FBN3: variants seen among roughly 807,000 people sequenced by gnomAD.
FBN3 encodes the protein fibrillin 3.
Under a neutral mutation model 330.1 loss-of-function variants are expected in FBN3, and 234 were observed. That is an observed-to-expected ratio of 0.71 (90% CI 0.64 to 0.79). The LOEUF (loss-of-function observed/expected upper bound fraction) is 0.79. Among genes scored for constraint, FBN3 ranks in the 30% least tolerant of loss-of-function variants. The pLI, the probability that FBN3 is intolerant of heterozygous loss-of-function variation, is 0.00. For synonymous variants in FBN3, 1,458 were observed against 1,517.3 expected (o/e 0.96, Z 0.91); for missense variants, 3,606 against 3,886.9 (o/e 0.93, Z 1.92).
intron 30 of FBN3, among the ~76,000 whole-genome samples, 158 bp downstream of exon 30, chr19:8,115,357 T>G (rs1326516825): frequency 6.6e-6 from 1 of 152,218 alleles, no homozygotes; most frequent in Non-Finnish European, 1.5e-5. Flanking sequence ...GGGCACTGTA[T>G]AGGACTCTGT....
intron 16 of FBN3, among the ~76,000 whole-genome samples, chr19:8,130,635 AG>A (rs1301833464): frequency 2.0e-4 from 1 of 4,898 alleles, no homozygotes; most frequent in African/African-American, 2.2e-3. Flanking sequence ...AAAGAAAGAA[AG>A]AAAGAAAGGA....
intron 31 of FBN3, 75 bp from the exon 32 acceptor site, chr19:8,111,845 T>C (rs893036934): frequency 6.4e-7 from 1 of 1,569,260 alleles, no homozygotes; most frequent in Admixed American, 1.7e-5. Flanking sequence ...GAAAGACCCA[T>C]CAACCCTCCA....
chr19:8,126,473 T>G lies in FBN3; in HGVS notation c.2549A>C (p.Glu850Ala). The change falls in exon 20 of 64, where the codon GAG becomes GCG. Residue 850 changes from glutamate to alanine, a missense_variant. Coordinates refer to ENST00000600128, the MANE Select transcript of FBN3 (RefSeq NM_032447.5). ...GGCCTCAAGGAGGATACTACCGATC[T>G]CGCAGCGTTCGCAGGGGCTCCCCCA... ...AAWGSPCERC[E>A]IDPACARGFA... The G allele has an allele frequency of 6.2e-7, 1 of 1,611,852 alleles. No homozygotes were observed. The highest frequency in any genetic ancestry group is 2.2e-5 in the East Asian group (1 of 44,640).
chr19:8,120,551 C>T (rs947902014), intron 25 of FBN3, among the ~76,000 whole-genome samples: 3 of 151,946 alleles, frequency 2.0e-5, no homozygotes. Flanking sequence ...TGCAAAAGTG[C>T]GATTATGGTT....
At chr19:8,116,584 A>T in intron 29 of FBN3, 90 bp downstream of exon 29, 1 of 1,389,612 alleles carries the variant, frequency 7.2e-7, no homozygotes, top group South Asian at 1.3e-5. Flanking sequence ...GGCATTTTTC[A>T]TGCCTATGTG....
chr19:8,119,020 C>T lies in FBN3; in HGVS notation c.3214G>A (p.Val1072Met), dbSNP rs769766254. The part of the protein sequence containing the change: ...GFMLMKNCMD[V>M]DECARDPLLC... ...AGCGGGTCCCTTGCACACTCGTCCA[C>T]GTCTGAAGGTTTGTGTGGAAAGAGA... Residue 1072 changes from valine to methionine, a missense_variant and splice_region_variant, in exon 26 of 64, where the codon GTG becomes ATG. Coordinates refer to ENST00000600128, the MANE Select transcript of FBN3 (RefSeq NM_032447.5). The T allele has an allele frequency of 1.0e-5, 16 of 1,594,142 alleles. No homozygotes were observed. Among genetic ancestry groups the T allele is most frequent in the Admixed American group, 8.4e-5 (5 of 59,592 alleles).
At chr19:8,098,091 C>A (rs1487887823) in intron 41 of FBN3, among the ~76,000 whole-genome samples, 1 of 152,188 alleles carries the variant, frequency 6.6e-6, no homozygotes, top group South Asian at 2.1e-4. Context: ...TGAATGTACT[C>A]AAAACCACTA....
intron 47 of FBN3, among the ~76,000 whole-genome samples, chr19:8,092,501 T>A (rs901900176): frequency 6.6e-6 from 1 of 151,820 alleles, no homozygotes; most frequent in Non-Finnish European, 1.5e-5. Flanking sequence ...TCACTTGAGA[T>A]CAGGAGCTGG....
rs878922278 is a variant in FBN3, at chr19:8,088,274, G to A, written c.6377-95C>T. 18 of 1,453,290 alleles carry A rather than the reference G, an allele frequency of 1.2e-5. No individual in the cohort carries two copies. The South Asian group carries it at 2.3e-4, about 18-fold the overall frequency. 90.0% of individuals were successfully genotyped at this position (1,453,290 alleles called of 1,614,324 possible). A position where few individuals can be genotyped will look rare whatever the true frequency, so the allele number is the denominator to read the frequency against. ...TGCCTGTTGACCACCACAGATCGGAGGGGGCCAGATCGAATGCACCTCTAG... is the reference window on the plus strand; with the variant it reads ...TGCCTGTTGACCACCACAGATCGGAAGGGGCCAGATCGAATGCACCTCTAG... On this transcript the variant is annotated intron_variant, in intron 51 of 63. Transcript: ENST00000600128.
chr19:8,102,379 T>C (rs1003138800), intron 40 of FBN3, among the ~76,000 whole-genome samples: 2 of 151,810 alleles, frequency 1.3e-5, no homozygotes, highest in African/African-American at 4.8e-5. Context: ...CACACCCAGC[T>C]AATTTTTTTG....
chr19:8,147,523 CTAG>C, intron 1 of FBN3, 26 bp from the exon 2 acceptor site: 1 of 1,421,576 alleles, frequency 7.0e-7, no homozygotes, highest in East Asian at 2.6e-5. Context: ...AGAGTCAGCC[CTAG>C]ATGAGCCCCC....
intron 46 of FBN3, among the ~76,000 whole-genome samples, chr19:8,094,828 A>T (rs527814036): frequency 6.6e-6 from 1 of 152,336 alleles, no homozygotes; most frequent in East Asian, 1.9e-4. Flanking sequence ...ATCTGGCACC[A>T]CCAGCAGATT....
At position 8,089,416 on chromosome 19, in the gene FBN3, T is replaced by C. The variant is rs1209063614; in HGVS notation, c.6376+129A>G. On this transcript the variant is annotated intron_variant, in intron 51 of 63. Transcript: ENST00000600128. ...GAAGCACAGAGGGAGAAAAAGTGAA[T>C]GGGGGAGAGAGGCAGTGGTTAAGGA... is the stretch of plus-strand genomic sequence containing the variant. The C allele has an allele frequency of 9.2e-6, 9 of 974,230 alleles. No homozygotes were observed. In the South Asian group the frequency reaches 1.2e-4, roughly 13 times the overall value. 60.3% of individuals were successfully genotyped at this position (974,230 alleles called of 1,614,324 possible).
At chr19:8,087,760 C>T (rs558982488) in intron 53 of FBN3, 65 bp downstream of exon 53, 1 of 1,439,638 alleles carries the variant, frequency 6.9e-7, no homozygotes, top group South Asian at 1.1e-5. Context: ...AGGCGTGTGC[C>T]ACCATGCCCA....
chr19:8,136,578 C>A (rs932772478), intron 10 of FBN3, 47 bp from the exon 11 acceptor site: 3 of 1,607,210 alleles, frequency 1.9e-6, no homozygotes, highest in Non-Finnish European at 2.6e-6. Flanking sequence ...CTGGCCCCGC[C>A]CCAGTCTGGA....
Position 8,138,313 on chromosome 19 carries a change from C to A in FBN3, c.1029G>T (p.Gln343His). 6.2e-7 allele frequency: 1 copy of A among 1,613,170 alleles called. No individual in the cohort carries two copies. Among genetic ancestry groups the A allele is most frequent in the Non-Finnish European group, 8.5e-7 (1 of 1,179,724 alleles). ...LCPPRGSNEFQQLCAQRLPLL... is the reference protein window; with the variant it reads ...LCPPRGSNEFHQLCAQRLPLL... ...GCGGCAGCCGCTGGGCGCACAGTTG[C>A]TGGAATTCATCTGCAAGGAAGCAGG... The change falls in exon 10 of 64, where the codon CAG becomes CAT. Residue 343 changes from glutamine to histidine, a missense_variant. Physicochemically the swap from Gln to His is conservative, Grantham distance 24. Transcript: ENST00000600128.
At chr19:8,093,585 T>C (rs891449918) in intron 47 of FBN3, among the ~76,000 whole-genome samples, 1 of 152,014 alleles carries the variant, frequency 6.6e-6, no homozygotes, top group Admixed American at 6.6e-5. Flanking sequence ...ATTGTGCCAC[T>C]GCACTCCAGC....
At chr19:8,097,748 T>A (rs1277519231) in intron 41 of FBN3, among the ~76,000 whole-genome samples, 2 of 152,168 alleles carry the variant, frequency 1.3e-5, no homozygotes, top group Non-Finnish European at 2.9e-5. Flanking sequence ...ACTGGAAACA[T>A]CAACTGATGA....
chr19:8,071,308 GCTA>G (rs2081506156), intron 63 of FBN3, among the ~76,000 whole-genome samples: 1 of 152,192 alleles, frequency 6.6e-6, no homozygotes, highest in African/African-American at 2.4e-5. Flanking sequence ...CTGCCCTACG[GCTA>G]CTGAGTGGTG....
Sources: allele counts gnomAD v4.1 joint callset (sites outside exome capture counted in the v4.1 genomes callset), GRCh38; gene constraint gnomAD v4.1.1; transcripts MANE v1.5; gene names NCBI Gene and HGNC (gene_info 2026-07-23, HGNC 2026-07-21).